Variants in RBBP5 observed in about 807,000 individuals in gnomAD.
RBBP5 encodes RB binding protein 5, histone lysine methyltransferase complex subunit, also known as retinoblastoma-binding protein 5.
A neutral mutation model predicts 72.2 loss-of-function variants in RBBP5; 5 were observed. The ratio of observed to expected loss-of-function variants is 0.07; its 90% CI spans 0.04 to 0.15. The LOEUF is 0.15. Among genes scored for constraint, RBBP5 ranks in the 10% least tolerant of loss-of-function variants. The probability of loss-of-function intolerance (pLI) is 1.00; values close to 1 mark genes in which losing one functional copy is unlikely to be tolerated. For synonymous variants in RBBP5, 209 were observed against 237.2 expected, an observed-to-expected ratio of 0.88 and a Z score of 1.09; for missense variants, 322 against 652.2, an observed-to-expected ratio of 0.49 and a Z score of 5.51.
chr1:205,115,903 G>C lies in RBBP5; in HGVS notation c.20-20C>G. On this transcript the variant is annotated intron_variant, in intron 1 of 13. Coordinates refer to ENST00000264515, the MANE Select transcript of RBBP5 (RefSeq NM_005057.4). ...AGGACTCTGCAACAAAGCAAAGAAAGAGTTGATGGCACATGTACCACATAG... is the reference window on the plus strand; with the variant it reads ...AGGACTCTGCAACAAAGCAAAGAAACAGTTGATGGCACATGTACCACATAG... The C allele has an allele frequency of 1.9e-6, 3 of 1,613,620 alleles. No homozygotes were observed. Among genetic ancestry groups the C allele is most frequent in the Non-Finnish European group, 2.5e-6 (3 of 1,179,628 alleles).
chr1:205,093,163 CAATATAT>C (rs1558569839), intron 13 of RBBP5, among the ~76,000 whole-genome samples: 1 of 151,780 alleles, frequency 6.6e-6, no homozygotes, highest in African/African-American at 2.4e-5. Flanking sequence ...GGCTACTTTA[CAATATAT>C]ACAAACATGC....
Position 205,099,220 on chromosome 1 carries a change from A to G in RBBP5, c.979-114T>C. 1.5e-6 allele frequency: 1 copy of G among 654,844 alleles called. No homozygotes were observed. The highest frequency in any genetic ancestry group is 2.4e-6 in the Non-Finnish European group (1 of 423,920). The allele number at this position is 654,844 out of a possible 1,614,324, so 40.6% of individuals were successfully genotyped here. On this transcript the variant is annotated intron_variant, in intron 9 of 13. Transcript: ENST00000264515. The surrounding 1 kb of genome is among the most constrained non-coding windows in gnomAD (Gnocchi z 4.7). ...AAAGGAATTCACAATTCTTAGATTA[A>G]ATTTGGCAGACAAGAAAAAAATGGG... is the stretch of plus-strand genomic sequence containing the variant.
intron 11 of RBBP5, 40 bp downstream of exon 11, chr1:205,097,286 C>G: frequency 6.5e-7 from 1 of 1,541,476 alleles, no homozygotes; most frequent in Non-Finnish European, 8.8e-7. Flanking sequence ...AGGCCAGGAG[C>G]AGCAGTAGCC....
chr1:205,109,208 G>GTGCAC (rs1656203787), intron 3 of RBBP5, among the ~76,000 whole-genome samples: 1 of 152,058 alleles, frequency 6.6e-6, no homozygotes, highest in Admixed American at 6.6e-5. Flanking sequence ...AAATGCAAAG[G>GTGCAC]TGCACAATAA....
chr1:205,110,041 G>A (rs1011635055), intron 3 of RBBP5, among the ~76,000 whole-genome samples: 2 of 148,894 alleles, frequency 1.3e-5, no homozygotes, highest in Admixed American at 6.7e-5. Context: ...TGTTTTTTGG[G>A]TTTTTTTTTT....
chr1:205,097,825 T>C (rs2029140), intron 10 of RBBP5, among the ~76,000 whole-genome samples: 3,449 of 152,158 alleles, frequency 0.023, 96 homozygotes, highest in African/African-American at 0.069. Flanking sequence ...TTATCTAATA[T>C]CACAAAAGTG....
chr1:205,121,329 A>C (rs1656729060), intron 1 of RBBP5, among the ~76,000 whole-genome samples: 1 of 152,202 alleles, frequency 6.6e-6, no homozygotes, highest in African/African-American at 2.4e-5. Context: ...AGTTAGGATA[A>C]TTGGATTCCA....
At chr1:205,098,844 C>CAAAAAAAAA in intron 10 of RBBP5, 145 bp downstream of exon 10, 1 of 282,952 alleles carries the variant, frequency 3.5e-6, no homozygotes, top group Non-Finnish European at 5.8e-6. Flanking sequence ...AATTCCATCT[C>CAAAAAAAAA]AAAAAAAAAA....
intron 5 of RBBP5, among the ~76,000 whole-genome samples, chr1:205,103,418 T>C (rs1249696305): frequency 6.6e-6 from 1 of 152,134 alleles, no homozygotes; most frequent in African/African-American, 2.4e-5. Context: ...CCTTCTACAA[T>C]GTATTCCAGA....
At chr1:205,105,987 C>T (rs188259810) in intron 3 of RBBP5, among the ~76,000 whole-genome samples, 1 of 152,356 alleles carries the variant, frequency 6.6e-6, no homozygotes, top group East Asian at 1.9e-4. Context: ...GCACCCTCCC[C>T]ACCTCACTGG....
rs377448206 is a variant in RBBP5, at chr1:205,090,088, G to A, written c.1589-1273C>T. ...AGACTGGGCTTGAACTCCTGTCCTC[G>A]AGTGATCCACCCGCCTCGGACTCCC... On this transcript the variant is annotated intron_variant, in intron 13 of 13. Coordinates refer to ENST00000264515, the MANE Select transcript of RBBP5 (RefSeq NM_005057.4). 2.6e-5 allele frequency among the ~76,000 whole-genome samples: 4 copies of A among 152,138 alleles called. No homozygotes were observed. In the South Asian group the frequency reaches 6.2e-4, roughly 24 times the overall value.
At chr1:205,121,775 A>T in intron 1 of RBBP5, 80 bp downstream of exon 1, 1 of 1,599,190 alleles carries the variant, frequency 6.3e-7, no homozygotes, top group Non-Finnish European at 8.5e-7. Context: ...CTAAGATTGC[A>T]GCCTGACTCC....
intron 3 of RBBP5, among the ~76,000 whole-genome samples, chr1:205,112,595 A>G (rs1656360754): frequency 6.6e-6 from 1 of 152,210 alleles, no homozygotes; most frequent in African/African-American, 2.4e-5. Flanking sequence ...CCTGCTGAAT[A>G]AATGAATGAA....
At position 205,121,942 on chromosome 1, in the gene RBBP5, C is replaced by T. The variant is rs1302997552; in HGVS notation, c.-69G>A. The T allele has an allele frequency of 3.7e-6, 6 of 1,601,890 alleles. No individual in the cohort carries two copies. Among genetic ancestry groups the T allele is most frequent in the Admixed American group, 1.7e-5 (1 of 59,800 alleles). ...CCTTCTCCCCGGCCGGCTTCAGCAA[C>T]TTGCGTCTAAGTGGTGGACGCCGCG... On this transcript the variant is annotated 5_prime_UTR_variant, in exon 1 of 14. Coordinates refer to ENST00000264515, the MANE Select transcript of RBBP5 (RefSeq NM_005057.4).
chr1:205,111,973 C>T (rs2102319013), intron 3 of RBBP5, among the ~76,000 whole-genome samples: 1 of 152,076 alleles, frequency 6.6e-6, no homozygotes, highest in African/African-American at 2.4e-5. Flanking sequence ...GTGCAGTGCC[C>T]TCTGCTTGGA....
chr1:205,110,624 G>T (rs1005862102), intron 3 of RBBP5, among the ~76,000 whole-genome samples: 17 of 152,156 alleles, frequency 1.1e-4, no homozygotes, highest in African/African-American at 4.1e-4. Context: ...GTGGATATAT[G>T]TATTAATTAT....
chr1:205,096,664 A>G lies in RBBP5; in HGVS notation c.1396+18T>C. ...AAGTGGCGTCTGCCAGGCCAGAGGG[A>G]GAAGATGTAGCTCTTACCATCATTT... On this transcript the variant is annotated intron_variant, in intron 12 of 13. Coordinates refer to ENST00000264515, the MANE Select transcript of RBBP5 (RefSeq NM_005057.4). The G allele has an allele frequency of 6.2e-7, 1 of 1,607,222 alleles. No individual in the cohort carries two copies. Among genetic ancestry groups the G allele is most frequent in the Non-Finnish European group, 8.5e-7 (1 of 1,175,496 alleles).
chr1:205,110,928 G>A (rs1026799119), intron 3 of RBBP5, among the ~76,000 whole-genome samples: 1 of 152,074 alleles, frequency 6.6e-6, no homozygotes, highest in South Asian at 2.1e-4. Flanking sequence ...GCCGGGCGTG[G>A]TGGCCTGCTT....
intron 13 of RBBP5, among the ~76,000 whole-genome samples, chr1:205,090,580 C>T (rs1655305075): frequency 6.6e-6 from 1 of 152,180 alleles, no homozygotes; most frequent in African/African-American, 2.4e-5. Flanking sequence ...AGACTCCAGC[C>T]AATTTAAAGA....
Sources: allele counts gnomAD v4.1 joint callset (sites outside exome capture counted in the v4.1 genomes callset), GRCh38; gene constraint gnomAD v4.1.1; non-coding constraint Gnocchi (gnomAD v3.1); transcripts MANE v1.5; gene names NCBI Gene and HGNC (gene_info 2026-07-23, HGNC 2026-07-21).